Variants in LHFPL6 observed in about 807,000 individuals in gnomAD.
LHFPL6 encodes the protein LHFPL tetraspan subfamily member 6.
Under a neutral mutation model 20.6 loss-of-function variants are expected in LHFPL6, and 9 were observed. The ratio of observed to expected loss-of-function variants is 0.44; its 90% CI spans 0.26 to 0.76. The LOEUF (loss-of-function observed/expected upper bound fraction) is 0.76, where lower values mean the gene tolerates loss of function less well. Among genes scored for constraint, LHFPL6 ranks in the 30% least tolerant of loss-of-function variants. The probability of loss-of-function intolerance (pLI) is 0.20; values close to 1 mark genes in which losing one functional copy is unlikely to be tolerated. For missense variants in LHFPL6, 218 were observed against 253.5 expected (o/e 0.86, Z 0.95); for synonymous variants, 105 against 98.7 (o/e 1.06, Z -0.38).
intron 2 of LHFPL6, among the ~76,000 whole-genome samples, chr13:39,466,557 A>G (rs1022814909): frequency 6.6e-6 from 1 of 152,214 alleles, no homozygotes; most frequent in African/African-American, 2.4e-5. Context: ...TCCAATTAGT[A>G]GTTTGGGGCC....
chr13:39,547,793 T>C (rs1301954309), intron 2 of LHFPL6, among the ~76,000 whole-genome samples: 1 of 152,158 alleles, frequency 6.6e-6, no homozygotes, highest in Non-Finnish European at 1.5e-5. Flanking sequence ...TTCCTTATAA[T>C]AATTTTCATA....
At chr13:39,453,647 T>C (rs889188458) in intron 2 of LHFPL6, among the ~76,000 whole-genome samples, 6 of 152,168 alleles carry the variant, frequency 3.9e-5, no homozygotes, top group Non-Finnish European at 7.3e-5. Flanking sequence ...GCCACGCTAT[T>C]GGTAAGGGAG....
chr13:39,398,952 AGGTCCCT>A (rs1870913371), intron 2 of LHFPL6, among the ~76,000 whole-genome samples: 1 of 152,192 alleles, frequency 6.6e-6, no homozygotes, highest in Admixed American at 6.5e-5. Context: ...TCCACAAAAC[AGGTCCCT>A]GGTGCCAGAA....
intron 2 of LHFPL6, among the ~76,000 whole-genome samples, chr13:39,523,510 A>C (rs1394037824): frequency 9.3e-5 from 14 of 149,906 alleles, no homozygotes; most frequent in Admixed American, 8.7e-4. Context: ...CGGAGCCTGC[A>C]GTGAGCCGAG....
chr13:39,578,521 G>A (rs1042384107), intron 2 of LHFPL6, among the ~76,000 whole-genome samples: 5 of 152,112 alleles, frequency 3.3e-5, no homozygotes, highest in Non-Finnish European at 7.4e-5. Flanking sequence ...TGAGAGTGAT[G>A]GACACAAGAA....
chr13:39,555,628 G>T (rs138099718), intron 2 of LHFPL6, among the ~76,000 whole-genome samples: 3,307 of 152,220 alleles, frequency 0.022, 55 homozygotes, highest in Non-Finnish European at 0.036. Context: ...AAACATAAGT[G>T]AAGGCAAGAT....
chr13:39,412,987 G>C (rs1871268494), intron 2 of LHFPL6, among the ~76,000 whole-genome samples: 1 of 151,750 alleles, frequency 6.6e-6, no homozygotes. Context: ...TCTAGCACCA[G>C]TAGGCACTCT....
intron 2 of LHFPL6, among the ~76,000 whole-genome samples, chr13:39,503,009 T>C (rs991368289): frequency 6.6e-6 from 1 of 152,154 alleles, no homozygotes; most frequent in Non-Finnish European, 1.5e-5. Flanking sequence ...CCTCCCACCT[T>C]GGCCTTCCAA....
chr13:39,407,303 G>A (rs1358204190), intron 2 of LHFPL6, among the ~76,000 whole-genome samples: 1 of 152,126 alleles, frequency 6.6e-6, no homozygotes, highest in African/African-American at 2.4e-5. Flanking sequence ...AACTCCCAGG[G>A]CAGAGTCTGA....
chr13:39,415,500 GA>G (rs71077296), intron 2 of LHFPL6, among the ~76,000 whole-genome samples: 101,837 of 145,146 alleles, frequency 0.7, 36,036 homozygotes, highest in Non-Finnish European at 0.77. Flanking sequence ...TAAAAATACT[GA>G]AAAAAAAAAA....
Position 39,600,954 on chromosome 13 carries a change from A to G in LHFPL6, c.263T>C (p.Val88Ala), listed in dbSNP as rs1872921825. 1 of 1,609,572 alleles carries G rather than the reference A, an allele frequency of 6.2e-7. No individual in the cohort carries two copies. The highest frequency in any genetic ancestry group is 1.3e-5 in the African/African-American group (1 of 74,972). The change falls in exon 2 of 4, where the codon GTG becomes GCG. Residue 88 changes from valine to alanine, a missense_variant. Coordinates refer to ENST00000379589, the MANE Select transcript of LHFPL6 (RefSeq NM_005780.3). ...PSAEWRICTI[V>A]TGLGCGLLLL... ...GAGGAGGCCACAACCCAGGCCGGTC[A>G]CTATGGTGCAGATCCTCCATTCTGC...
At chr13:39,482,577 G>A (rs556376212) in intron 2 of LHFPL6, among the ~76,000 whole-genome samples, 7 of 152,188 alleles carry the variant, frequency 4.6e-5, no homozygotes, top group Non-Finnish European at 8.8e-5. Context: ...GATTGTTGAG[G>A]AAGGAGAAAT....
Position 39,503,099 on chromosome 13 carries a change from C to T in LHFPL6, c.385+97733G>A, listed in dbSNP as rs552497010. 1.2e-4 allele frequency among the ~76,000 whole-genome samples: 18 copies of T among 152,262 alleles called. 1 individual carries two copies. Among genetic ancestry groups the T allele is most frequent in the Middle Eastern group, 6.8e-3 (2 of 294 alleles). ...ATTACAATCCATACATATGTGAGTCCTATGCCCAGAACTCTGGGTGGTTCC... is the reference window on the plus strand; with the variant it reads ...ATTACAATCCATACATATGTGAGTCTTATGCCCAGAACTCTGGGTGGTTCC... On this transcript the variant is annotated intron_variant, in intron 2 of 3. Transcript: ENST00000379589.
chr13:39,518,335 C>G (rs990225029), intron 2 of LHFPL6, among the ~76,000 whole-genome samples: 3 of 152,164 alleles, frequency 2.0e-5, no homozygotes, highest in Non-Finnish European at 4.4e-5. Flanking sequence ...AACTTCTTTT[C>G]TGGGAAAATA....
intron 2 of LHFPL6, among the ~76,000 whole-genome samples, chr13:39,493,742 A>G (rs1377958228): frequency 6.6e-6 from 1 of 152,198 alleles, no homozygotes; most frequent in Non-Finnish European, 1.5e-5. Context: ...TTAGTGAATC[A>G]AGAGTGTCCT....
chr13:39,548,348 C>T (rs1332048474), intron 2 of LHFPL6, among the ~76,000 whole-genome samples: 1 of 151,964 alleles, frequency 6.6e-6, no homozygotes, highest in East Asian at 1.9e-4. Context: ...CTTTTAAAAA[C>T]AATAGATTCT....
chr13:39,510,346 G>A lies in LHFPL6; in HGVS notation c.385+90486C>T, dbSNP rs1336998476. On this transcript the variant is annotated intron_variant, in intron 2 of 3. Transcript: ENST00000379589. ...TTAATTATAAAACCTGTTTTCACCT[G>A]ACACTTTTCCAGCAGTGTAACTTTT... is the stretch of plus-strand genomic sequence containing the variant. 3.9e-5 allele frequency among the ~76,000 whole-genome samples: 6 copies of A among 152,316 alleles called. No individual in the cohort carries two copies. The South Asian group carries it at 1.2e-3, about 32-fold the overall frequency.
chr13:39,509,688 A>G (rs7990732), intron 2 of LHFPL6, among the ~76,000 whole-genome samples: 60,578 of 151,938 alleles, frequency 0.4, 14,515 homozygotes, highest in African/African-American at 0.68. Flanking sequence ...GGCCAGGCAC[A>G]GTGGCTCACG....
At chr13:39,594,056 G>A (rs369566451) in intron 2 of LHFPL6, among the ~76,000 whole-genome samples, 1 of 151,884 alleles carries the variant, frequency 6.6e-6, no homozygotes, top group East Asian at 1.9e-4. Flanking sequence ...ATAGGCATGG[G>A]CAAGGACTTC....
Sources: allele counts gnomAD v4.1 joint callset (sites outside exome capture counted in the v4.1 genomes callset), GRCh38; gene constraint gnomAD v4.1.1; transcripts MANE v1.5; gene names NCBI Gene and HGNC (gene_info 2026-07-23, HGNC 2026-07-21).